The following CCDC30 variants were observed in gnomAD, a reference collection of about 807,000 sequenced individuals.
CCDC30 encodes the protein coiled-coil domain containing 30, also known as coiled-coil domain-containing protein 30.
Under a neutral mutation model 100.2 loss-of-function variants are expected in CCDC30, and 70 were observed. The ratio of observed to expected loss-of-function variants is 0.70; its 90% CI spans 0.58 to 0.85. CCDC30 has a LOEUF of 0.85. Ranked by LOEUF, CCDC30 falls within the 40% of genes least tolerant of loss-of-function variation. CCDC30 has a pLI of 0.00. For synonymous variants in CCDC30, 233 were observed against 269.5 expected (o/e 0.86, Z 1.33); for missense variants, 652 against 771.2 (o/e 0.85, Z 1.83).
intron 15 of CCDC30, among the ~76,000 whole-genome samples, chr1:42,651,486 A>G (rs899779471): frequency 2.0e-5 from 3 of 152,142 alleles, no homozygotes; most frequent in African/African-American, 7.2e-5. Context: ...AAAAAGCTCA[A>G]CATCATGAAT....
intron 6 of CCDC30, among the ~76,000 whole-genome samples, chr1:42,563,747 C>T (rs968483451): frequency 3.9e-5 from 6 of 151,972 alleles, no homozygotes; most frequent in Admixed American, 6.6e-5. Flanking sequence ...CATGGTGGCA[C>T]GCACCTGTAA....
chr1:42,563,532 A>G (rs1367744548), intron 6 of CCDC30, among the ~76,000 whole-genome samples: 1 of 152,144 alleles, frequency 6.6e-6, no homozygotes, highest in African/African-American at 2.4e-5. Context: ...ACGTATATCT[A>G]TGTAACAAAC....
intron 6 of CCDC30, among the ~76,000 whole-genome samples, chr1:42,514,265 G>A (rs947005250): frequency 1.4e-4 from 21 of 152,160 alleles, no homozygotes; most frequent in African/African-American, 5.1e-4. Context: ...ATTCCTAGAA[G>A]TGGAATTATT....
chr1:42,569,600 A>G (rs1368216934), intron 7 of CCDC30, among the ~76,000 whole-genome samples: 1 of 152,160 alleles, frequency 6.6e-6, no homozygotes, highest in African/African-American at 2.4e-5. Flanking sequence ...CAGAAATACA[A>G]TTTGACCCAG....
intron 7 of CCDC30, among the ~76,000 whole-genome samples, chr1:42,568,721 C>T (rs1367140896): frequency 6.7e-6 from 1 of 149,984 alleles, no homozygotes; most frequent in Admixed American, 6.7e-5. Flanking sequence ...AAAGTGCTCA[C>T]GAGTTTGAGA....
rs1557431647 is a variant in CCDC30, at chr1:42,596,738, A to AAACAAAC, written c.1164+7257_1164+7258insCAAACAA. Among the ~76,000 whole-genome samples the AAACAAAC allele has an allele frequency of 4.7e-5, 5 of 107,088 alleles. No individual in the cohort carries two copies. Among genetic ancestry groups the AAACAAAC allele is most frequent in the African/African-American group, 1.8e-4 (5 of 28,558 alleles). 70.3% of individuals were successfully genotyped at this position (107,088 alleles called of 152,430 possible). A position where few individuals can be genotyped will look rare whatever the true frequency, so the allele number is the denominator to read the frequency against. ...ATTACAAGACACGCTAAAAGGCAAAAAAACAAACAAACAAACAAACAAAAA... is the reference window on the plus strand; with the variant it reads ...ATTACAAGACACGCTAAAAGGCAAAAAACAAACAAACAAACAAACAAACAAACAAAAA... On this transcript the variant is annotated intron_variant, in intron 10 of 16. Coordinates refer to ENST00000668663, the Ensembl canonical transcript of CCDC30. This position sits in a 1 kb window ranked among gnomAD's most constrained non-coding sequence, Gnocchi z 4.3.
intron 11 of CCDC30, among the ~76,000 whole-genome samples, chr1:42,622,302 T>C (rs935950291): frequency 2.6e-5 from 4 of 152,250 alleles, no homozygotes; most frequent in African/African-American, 9.6e-5. Flanking sequence ...TATTCCATTA[T>C]GTATAAGTAC....
chr1:42,476,404 A>G (rs1329122812), intron 1 of CCDC30, among the ~76,000 whole-genome samples: 1 of 152,204 alleles, frequency 6.6e-6, no homozygotes, highest in Non-Finnish European at 1.5e-5. Context: ...AGAATATTCT[A>G]TATTTGTGTA....
intron 6 of CCDC30, 150 bp downstream of exon 10, chr1:42,556,555 G>C (rs1195822658): frequency 4.7e-6 from 4 of 844,216 alleles, no homozygotes. Flanking sequence ...GAGTACATGA[G>C]ATGTTTTAAT....
At chr1:42,536,028 A>C (rs1198029006) in intron 6 of CCDC30, among the ~76,000 whole-genome samples, 2 of 151,828 alleles carry the variant, frequency 1.3e-5, no homozygotes, top group Admixed American at 6.6e-5. Context: ...ATGTAATAAT[A>C]ATTCCAATCT....
chr1:42,543,927 G>C (rs1173027104), intron 6 of CCDC30, among the ~76,000 whole-genome samples: 3 of 152,168 alleles, frequency 2.0e-5, no homozygotes, highest in African/African-American at 4.8e-5. Context: ...TGTGTTCTTA[G>C]AATCAAACAT....
chr1:42,627,977 A>G (rs905136213), intron 11 of CCDC30, among the ~76,000 whole-genome samples: 11 of 152,196 alleles, frequency 7.2e-5, no homozygotes, highest in African/African-American at 2.7e-4. Flanking sequence ...CAGAACCCAG[A>G]ATGGTAGATC....
At chr1:42,604,526 G>A (rs933072244) in intron 10 of CCDC30, among the ~76,000 whole-genome samples, 5 of 152,118 alleles carry the variant, frequency 3.3e-5, no homozygotes, top group South Asian at 2.1e-4. Flanking sequence ...GAATCACTGC[G>A]GACGTGTCCT....
At chr1:42,584,453 A>G (rs1407831374) in intron 9 of CCDC30, among the ~76,000 whole-genome samples, 2 of 152,046 alleles carry the variant, frequency 1.3e-5, no homozygotes, top group African/African-American at 4.8e-5. Context: ...TTAGCCAAGC[A>G]TGGTAGCAGA....
intron 2 of CCDC30, among the ~76,000 whole-genome samples, chr1:42,480,963 T>TA (rs563560861): frequency 1.2e-4 from 18 of 149,208 alleles, no homozygotes; most frequent in South Asian, 6.4e-4. Context: ...CTATGAAAAA[T>TA]AAAAAAAAAT....
intron 4 of CCDC30, among the ~76,000 whole-genome samples, chr1:42,495,123 T>G (rs1644210933): frequency 1.3e-5 from 2 of 149,426 alleles, no homozygotes; most frequent in Non-Finnish European, 3.0e-5. Context: ...CCAACAATGA[T>G]AGACTGGATT....
chr1:42,610,392 A>G (rs1646594512), intron 10 of CCDC30, among the ~76,000 whole-genome samples: 1 of 150,738 alleles, frequency 6.6e-6, no homozygotes, highest in Non-Finnish European at 1.5e-5. Flanking sequence ...CACTTTATAT[A>G]CTTTAAGCTG....
At chr1:42,456,793 C>G in the CCDC30 span, 3 of 1,613,212 alleles carry the variant, frequency 1.9e-6, no homozygotes, top group South Asian at 2.2e-5. Flanking sequence ...TCCTAGCCGC[C>G]GGCTACGGGG....
In CCDC30 at chr1:42,644,712, GA is replaced by G; in HGVS notation, c.1580del (p.Asn527IlefsTer18). The G allele has an allele frequency of 6.2e-7, 1 of 1,608,736 alleles. No homozygotes were observed. Among genetic ancestry groups the G allele is most frequent in the African/African-American group, 1.3e-5 (1 of 74,918 alleles). ...TCTTAGGGTACTTTACATGGATAAAGAAAATAAGCAATTACAGGAAAATAGT... is the reference window on the plus strand; with the variant it reads ...TCTTAGGGTACTTTACATGGATAAAGAAATAAGCAATTACAGGAAAATAGT... On this transcript the variant is annotated frameshift_variant, in exon 14 of 17. Coordinates refer to ENST00000668663, the Ensembl canonical transcript of CCDC30. LOFTEE classifies it high-confidence loss of function.
Sources: gnomAD v4.1 joint callset for allele counts (sites outside exome capture counted in the v4.1 genomes callset) on GRCh38, gnomAD v4.1.1 for gene constraint, Gnocchi (gnomAD v3.1) non-coding constraint, MANE v1.5 for transcripts, NCBI Gene and HGNC (gene_info 2026-07-23, HGNC 2026-07-21) for gene names.